MCF2L2: variants seen among roughly 807,000 people sequenced by gnomAD.
MCF2L2 encodes the protein MCF.2 cell line derived transforming sequence-like 2, also known as probable guanine nucleotide exchange factor MCF2L2.
MCF2L2 carries 102 observed loss-of-function variants against 150.2 expected under a neutral mutation model. That is an observed-to-expected ratio of 0.68 (90% CI 0.58 to 0.80). The LOEUF (loss-of-function observed/expected upper bound fraction) is 0.80. MCF2L2 is among the 30% of genes least tolerant of loss of function. MCF2L2 has a pLI of 0.00. For missense variants in MCF2L2, 1,256 were observed against 1,372.8 expected (o/e 0.91, Z 1.34); for synonymous variants, 465 against 491.3 (o/e 0.95, Z 0.71).
chr3:183,273,882 ATAACCT>A (rs1726996919), intron 15 of MCF2L2, among the ~76,000 whole-genome samples: 1 of 152,148 alleles, frequency 6.6e-6, no homozygotes, highest in Admixed American at 6.5e-5. Flanking sequence ...TCTCGTATGT[ATAACCT>A]GGGATGTTTG....
intron 22 of MCF2L2, among the ~76,000 whole-genome samples, chr3:183,212,856 G>A (rs189122034): frequency 6.2e-4 from 93 of 150,026 alleles, no homozygotes; most frequent in African/African-American, 2.2e-3. Flanking sequence ...CTGTTTATTC[G>A]GCATCTGTTG....
rs145966623 is a variant in MCF2L2 at position 183,347,204 on chromosome 3, A to C, written c.276-5574T>G. 4.6e-3 allele frequency among the ~76,000 whole-genome samples: 695 copies of C among 152,216 alleles called. 6 individuals carry two copies. Among genetic ancestry groups the C allele is most frequent in the African/African-American group, 0.016 (668 of 41,546 alleles). On this transcript the variant is annotated intron_variant, in intron 3 of 29. Transcript: ENST00000328913. ...ACAGCATGGTACTAGTACCAAAACA[A>C]ATATATAGACCAATGGAACAGAACA... is the stretch of plus-strand genomic sequence containing the variant.
At chr3:183,340,683 C>T (rs1286998574) in intron 4 of MCF2L2, among the ~76,000 whole-genome samples, 2 of 152,190 alleles carry the variant, frequency 1.3e-5, no homozygotes, top group African/African-American at 4.8e-5. Flanking sequence ...TGGCTCAAGC[C>T]TGTAATCCCA....
intron 1 of MCF2L2, among the ~76,000 whole-genome samples, chr3:183,425,235 T>C (rs527606361): frequency 6.6e-6 from 1 of 152,028 alleles, no homozygotes; most frequent in South Asian, 2.1e-4. Flanking sequence ...CTTATGGAAA[T>C]ATGGGAGTGG....
At chr3:183,304,826 C>T (rs1044549594) in intron 10 of MCF2L2, among the ~76,000 whole-genome samples, 2 of 152,178 alleles carry the variant, frequency 1.3e-5, no homozygotes, top group Non-Finnish European at 2.9e-5. Flanking sequence ...AGAACTTAAA[C>T]AGTACCTGGC....
At chr3:183,231,329 G>A in intron 15 of MCF2L2, 1 of 507,538 alleles carries the variant, frequency 2.0e-6, no homozygotes. Context: ...AGATGTTGGA[G>A]TCAGAAATAC....
intron 1 of MCF2L2, among the ~76,000 whole-genome samples, chr3:183,402,380 G>C (rs912588853): frequency 2.7e-5 from 4 of 149,940 alleles, no homozygotes; most frequent in African/African-American, 9.8e-5. Context: ...CGTGACCTCG[G>C]GAGGCGGAGC....
chr3:183,260,609 G>A (rs947885424), intron 15 of MCF2L2, among the ~76,000 whole-genome samples: 4 of 151,940 alleles, frequency 2.6e-5, no homozygotes, highest in Non-Finnish European at 5.9e-5. Flanking sequence ...CACCAGTCCC[G>A]TTAATAAAGA....
intron 5 of MCF2L2, among the ~76,000 whole-genome samples, chr3:183,324,658 A>C (rs1157449356): frequency 6.6e-6 from 1 of 152,032 alleles, no homozygotes; most frequent in Admixed American, 6.5e-5. Context: ...CCGTGGGCCC[A>C]GGAATTTGAG....
intron 3 of MCF2L2, among the ~76,000 whole-genome samples, chr3:183,348,170 G>A (rs1190855494): frequency 4.6e-5 from 7 of 152,166 alleles, no homozygotes; most frequent in Non-Finnish European, 8.8e-5. Context: ...ATCAATGATA[G>A]ACTGGATAAA....
At chr3:183,251,020 C>G (rs1026645079) in intron 15 of MCF2L2, among the ~76,000 whole-genome samples, 1 of 152,206 alleles carries the variant, frequency 6.6e-6, no homozygotes, top group Admixed American at 6.5e-5. Flanking sequence ...ACTGTGGGCA[C>G]AGAGAAGTTT....
chr3:183,254,057 G>C (rs1484933597), intron 15 of MCF2L2: 8 of 151,934 alleles, frequency 5.3e-5, no homozygotes, highest in Non-Finnish European at 8.8e-5. Flanking sequence ...GCTGCGGGCC[G>C]GCCCCTCCGC....
At chr3:183,412,303 G>A (rs1219805408) in intron 1 of MCF2L2, among the ~76,000 whole-genome samples, 3 of 151,990 alleles carry the variant, frequency 2.0e-5, no homozygotes, top group Non-Finnish European at 4.4e-5. Flanking sequence ...TGTTGTTGTT[G>A]TTGTTGTTTG....
rs148597418 is a variant in MCF2L2, at chr3:183,342,265, C to G, written c.276-635G>C. On this transcript the variant is annotated intron_variant, in intron 3 of 29. Coordinates refer to ENST00000328913, the MANE Select transcript of MCF2L2 (RefSeq NM_015078.4). The stretch of plus-strand genomic sequence containing the variant: ...TTCTAAAAGTGAAAACATTTTTTTT[C>G]TCTCCTTTGGGAAGAAGCACGGTAC... Among the ~76,000 whole-genome samples the G allele has an allele frequency of 3.4e-3, 515 of 152,050 alleles. 4 individuals carry two copies. The highest frequency in any genetic ancestry group is 0.017 in the Middle Eastern group (5 of 292).
At chr3:183,233,049 T>A (rs1254100397) in intron 15 of MCF2L2, among the ~76,000 whole-genome samples, 2 of 152,112 alleles carry the variant, frequency 1.3e-5, no homozygotes, top group Non-Finnish European at 2.9e-5. Flanking sequence ...TAAATGCTCA[T>A]CAAAAAATTA....
chr3:183,191,413 T>G (rs11707756), intron 27 of MCF2L2, among the ~76,000 whole-genome samples: 8 of 152,238 alleles, frequency 5.3e-5, no homozygotes, highest in Non-Finnish European at 1.0e-4. Context: ...ATCTAGACAC[T>G]TTTATAATGA....
intron 27 of MCF2L2, among the ~76,000 whole-genome samples, chr3:183,183,110 A>C (rs1463295103): frequency 6.6e-6 from 1 of 152,112 alleles, no homozygotes; most frequent in Non-Finnish European, 1.5e-5. Flanking sequence ...ATCCTCCCAC[A>C]TCAGCCTCCT....
chr3:183,277,570 C>T (rs1229872258), intron 14 of MCF2L2, among the ~76,000 whole-genome samples: 4 of 151,472 alleles, frequency 2.6e-5, no homozygotes, highest in East Asian at 1.9e-4. Context: ...TTCACAGATG[C>T]GTGATAACAA....
chr3:183,370,982 C>T (rs768700754), intron 3 of MCF2L2, among the ~76,000 whole-genome samples: 10 of 152,154 alleles, frequency 6.6e-5, no homozygotes, highest in Non-Finnish European at 1.3e-4. Flanking sequence ...ACTCTGTACT[C>T]GTGACTGTAC....
Sources: gnomAD v4.1 joint callset for allele counts (sites outside exome capture counted in the v4.1 genomes callset) on GRCh38, gnomAD v4.1.1 for gene constraint, MANE v1.5 for transcripts, NCBI Gene and HGNC (gene_info 2026-07-23, HGNC 2026-07-21) for gene names.